Variants in CFAP92 observed in about 807,000 individuals in gnomAD.
CFAP92 encodes uncharacterized protein CFAP92.
In CFAP92, 86 loss-of-function variants were observed where a neutral mutation model predicts 106.3. The ratio of observed to expected loss-of-function variants is 0.81; its 90% CI spans 0.68 to 0.97. The LOEUF (loss-of-function observed/expected upper bound fraction) is 0.97. Ranked by LOEUF, CFAP92 falls within the 50% of genes least tolerant of loss-of-function variation. The probability of loss-of-function intolerance (pLI) is 0.00; values close to 1 mark genes in which losing one functional copy is unlikely to be tolerated. For missense variants in CFAP92, 1,204 were observed against 1,283.8 expected (o/e 0.94, Z 0.95); for synonymous variants, 477 against 506.4 (o/e 0.94, Z 0.78).
At chr3:128,910,442 GTC>G in intron 15 of CFAP92, 109 bp from the exon 16 acceptor site, 2 of 1,112,804 alleles carry the variant, frequency 1.8e-6, no homozygotes, top group Non-Finnish European at 2.5e-6. Context: ...GGCGGGTGCA[GTC>G]TCTGAGGACC....
chr3:128,973,522 A>G (rs1942950767), intron 7 of CFAP92, among the ~76,000 whole-genome samples: 2 of 152,068 alleles, frequency 1.3e-5, no homozygotes, highest in African/African-American at 4.8e-5. Flanking sequence ...CAGGCATGGT[A>G]GCACATGCCT....
rs1936111761 is a variant in CFAP92, at chr3:128,910,204, A to G, written c.*95T>C. 1.2e-6 allele frequency: 2 copies of G among 1,610,250 alleles called. No individual in the cohort carries two copies. The highest frequency in any genetic ancestry group is 4.5e-5 in the East Asian group (2 of 44,866). Reference sequence around the variant, plus strand: ...TGGCTGCTGCCATCTGTCCTGCTGCACTTTAATGAAGTTGATTGTTGAGGA... The same window carrying G: ...TGGCTGCTGCCATCTGTCCTGCTGCGCTTTAATGAAGTTGATTGTTGAGGA... On this transcript the variant is annotated 3_prime_UTR_variant, in exon 16 of 16. Transcript: ENST00000645291.
the CFAP92 span, among the ~76,000 whole-genome samples, chr3:129,011,763 G>A: frequency 2.6e-5 from 4 of 152,220 alleles, no homozygotes; most frequent in Admixed American, 6.5e-5. Context: ...TGCACTTCTC[G>A]GAGGACAGAG....
At chr3:128,914,881 T>A (rs1394217666) in intron 15 of CFAP92, 2 of 517,890 alleles carry the variant, frequency 3.9e-6, no homozygotes, top group East Asian at 3.2e-5. Flanking sequence ...ACCCAGGGCA[T>A]GAAGGGATTT....
chr3:129,013,147 C>G, the CFAP92 span, among the ~76,000 whole-genome samples: 1 of 151,950 alleles, frequency 6.6e-6, no homozygotes, highest in Non-Finnish European at 1.5e-5. Context: ...CAGACCCAAG[C>G]CGGGTGAGCT....
Position 128,987,727 on chromosome 3 carries a change from T to A in CFAP92, c.556A>T (p.Lys186Ter). 1 of 1,614,004 alleles carries A rather than the reference T, an allele frequency of 6.2e-7. No individual in the cohort carries two copies. The highest frequency in any genetic ancestry group is 8.5e-7 in the Non-Finnish European group (1 of 1,179,840). The change falls in exon 4 of 16, where the codon AAA becomes TAA. Residue 186 changes from lysine to a stop codon, truncating the protein, a stop_gained. Transcript: ENST00000645291. LOFTEE classifies it high-confidence loss of function. ...KELLKKINFH[K>*]ITLRLWNTKD... ...GTGTTCCAGAGCCTCAAGGTGATTT[T>A]GTGGAAATTTATTTTCTTTAATAAT...
At chr3:128,931,041 G>A (rs567598709) in intron 12 of CFAP92, among the ~76,000 whole-genome samples, 1 of 152,090 alleles carries the variant, frequency 6.6e-6, no homozygotes. Context: ...AAGTAGATGA[G>A]ATTACAAGTG....
chr3:128,980,366 CAAAAAA>C (rs71153158), intron 4 of CFAP92, among the ~76,000 whole-genome samples: 2 of 100,700 alleles, frequency 2.0e-5, no homozygotes, highest in Admixed American at 1.1e-4. Flanking sequence ...GACCCTGTCT[CAAAAAA>C]AAAAAAAAAA....
chr3:128,924,430 ATCTTTT>A (rs1937526070), intron 12 of CFAP92, among the ~76,000 whole-genome samples: 1 of 91,662 alleles, frequency 1.1e-5, no homozygotes. Context: ...GAACGATTGT[ATCTTTT>A]TTTTTTTTTT....
At position 128,912,655 on chromosome 3, in the gene CFAP92, G is replaced by C. The variant is rs773362534; in HGVS notation, c.3281-2322C>G. 7 of 1,454,662 alleles carry C rather than the reference G, an allele frequency of 4.8e-6. No individual in the cohort carries two copies. The African/African-American group carries it at 9.8e-5, about 20-fold the overall frequency. 90.1% of individuals were successfully genotyped at this position (1,454,662 alleles called of 1,614,324 possible). ...TACCGCCCGCCCCTACCCATGGCCCGTTGCTGGATGACTGTTACTCTTTTT... is the reference window on the plus strand; with the variant it reads ...TACCGCCCGCCCCTACCCATGGCCCCTTGCTGGATGACTGTTACTCTTTTT... On this transcript the variant is annotated intron_variant, in intron 15 of 15. Transcript: ENST00000645291.
the CFAP92 span, among the ~76,000 whole-genome samples, chr3:129,019,414 G>T: frequency 6.6e-6 from 1 of 152,178 alleles, no homozygotes; most frequent in Non-Finnish European, 1.5e-5. Context: ...ACTCATCAGT[G>T]TTTGTCTTAG....
rs1227650156 is a variant in CFAP92, at chr3:128,912,650, G to A, written c.3281-2317C>T. 5 of 1,509,830 alleles carry A rather than the reference G, an allele frequency of 3.3e-6. No homozygotes were observed. In the Middle Eastern group the frequency reaches 5.1e-4, roughly 154 times the overall value. 93.5% of individuals were successfully genotyped at this position (1,509,830 alleles called of 1,614,324 possible). A position where few individuals can be genotyped will look rare whatever the true frequency, so the allele number is the denominator to read the frequency against. On this transcript the variant is annotated intron_variant, in intron 15 of 15. Coordinates refer to ENST00000645291, the MANE Select transcript of CFAP92 (RefSeq NM_001394090.1). The stretch of plus-strand genomic sequence containing the variant: ...CCTGCTACCGCCCGCCCCTACCCAT[G>A]GCCCGTTGCTGGATGACTGTTACTC...
rs1373361348 is a variant in CFAP92, at chr3:128,975,769, CCTAA to C, written c.1021+6_1021+9del. ...ATATTATAAAATTCCCAAATCCTATCCTAACTTACTTTGAGACCTTTGTCTGTCT... is the reference window on the plus strand; with the variant it reads ...ATATTATAAAATTCCCAAATCCTATCCTTACTTTGAGACCTTTGTCTGTCT... On this transcript the variant is annotated splice_donor_region_variant and intron_variant, in intron 7 of 15. Transcript: ENST00000645291. 1.3e-6 allele frequency: 2 copies of C among 1,574,660 alleles called. No individual in the cohort carries two copies. The highest frequency in any genetic ancestry group is 2.7e-5 in the African/African-American group (2 of 73,522).
chr3:129,010,987 C>T, the CFAP92 span, among the ~76,000 whole-genome samples: 2 of 152,160 alleles, frequency 1.3e-5, no homozygotes, highest in Non-Finnish European at 2.9e-5. This position sits in a 1 kb window ranked among gnomAD's most constrained non-coding sequence, Gnocchi z 4.3. Context: ...CTGTTCCCTT[C>T]ACTTCTGTGA....
the CFAP92 span, among the ~76,000 whole-genome samples, chr3:129,018,175 G>A: frequency 2.0e-5 from 3 of 152,144 alleles, no homozygotes; most frequent in Non-Finnish European, 4.4e-5. Context: ...GGCCTTGGGA[G>A]TAAAGATGAG....
intron 7 of CFAP92, among the ~76,000 whole-genome samples, chr3:128,974,260 T>G (rs1244121912): frequency 6.6e-6 from 1 of 152,140 alleles, no homozygotes; most frequent in Non-Finnish European, 1.5e-5. Context: ...GATGAGGAAA[T>G]GATCTGTAGC....
At chr3:128,987,355 T>C (rs938053815) in intron 4 of CFAP92, among the ~76,000 whole-genome samples, 2 of 151,962 alleles carry the variant, frequency 1.3e-5, no homozygotes, top group Admixed American at 6.6e-5. Context: ...AGACCGGTGA[T>C]GGGTGCCTGT....
At chr3:129,008,023 C>T in the CFAP92 span, among the ~76,000 whole-genome samples, 4 of 152,226 alleles carry the variant, frequency 2.6e-5, no homozygotes, top group South Asian at 8.3e-4. Flanking sequence ...CCGTCTTTGG[C>T]AGGGCCATGA....
At chr3:128,953,617 C>T (rs1559891696) in intron 9 of CFAP92, among the ~76,000 whole-genome samples, 1 of 122,962 alleles carries the variant, frequency 8.1e-6, no homozygotes, top group East Asian at 2.4e-4. Flanking sequence ...CCCTCTCCCT[C>T]TCCCTCCCTC....
Sources: allele counts gnomAD v4.1 joint callset (sites outside exome capture counted in the v4.1 genomes callset), GRCh38; gene constraint gnomAD v4.1.1; non-coding constraint Gnocchi (gnomAD v3.1); transcripts MANE v1.5; gene names NCBI Gene and HGNC (gene_info 2026-07-23, HGNC 2026-07-21).